Variants in LDLRAD3 observed in about 807,000 individuals in gnomAD.
LDLRAD3 encodes low-density lipoprotein receptor class A domain-containing protein 3.
In LDLRAD3, 20 loss-of-function variants were observed where a neutral mutation model predicts 29.4. The ratio of observed to expected loss-of-function variants is 0.68; its 90% confidence interval spans 0.48 to 0.99. The LOEUF (loss-of-function observed/expected upper bound fraction) is 0.99. Ranked by LOEUF, LDLRAD3 falls within the 50% of genes least tolerant of loss-of-function variation. LDLRAD3 has a pLI of 0.00. For missense variants in LDLRAD3, 420 were observed against 454.3 expected (o/e 0.92, Z 0.69); for synonymous variants, 157 against 192.7 (o/e 0.81, Z 1.53).
At chr11:36,214,955 C>T (rs887691002) in intron 4 of LDLRAD3, among the ~76,000 whole-genome samples, 1 of 152,192 alleles carries the variant, frequency 6.6e-6, no homozygotes, top group African/African-American at 2.4e-5. Context: ...GAGTTCTATT[C>T]CAGTAGGAAA....
intron 4 of LDLRAD3, among the ~76,000 whole-genome samples, chr11:36,164,734 A>T (rs1269083854): frequency 1.3e-5 from 2 of 152,182 alleles, no homozygotes; most frequent in African/African-American, 4.8e-5. Flanking sequence ...TTAACTTCTT[A>T]AGTGCAGTGT....
At chr11:35,979,610 C>T (rs1432189224) in intron 1 of LDLRAD3, among the ~76,000 whole-genome samples, 7 of 152,218 alleles carry the variant, frequency 4.6e-5, no homozygotes, top group Admixed American at 4.6e-4. Context: ...CTGTCTGTCT[C>T]AGAGCCTCTG....
chr11:36,112,698 G>A (rs1286783983), intron 4 of LDLRAD3, among the ~76,000 whole-genome samples: 6 of 152,190 alleles, frequency 3.9e-5, no homozygotes, highest in African/African-American at 1.4e-4. Context: ...CATTCCGTAG[G>A]ATAGGACACA....
At chr11:36,114,770 A>G (rs992579675) in intron 4 of LDLRAD3, among the ~76,000 whole-genome samples, 2 of 152,086 alleles carry the variant, frequency 1.3e-5, no homozygotes, top group African/African-American at 2.4e-5. Context: ...ACGTGACTCC[A>G]TGGTGCGTCT....
At chr11:36,129,024 A>G (rs780795868) in intron 4 of LDLRAD3, among the ~76,000 whole-genome samples, 57 of 152,036 alleles carry the variant, frequency 3.7e-4, no homozygotes, top group Non-Finnish European at 7.5e-4. Flanking sequence ...AAGTCAAGAG[A>G]TGTCAGGGAA....
At chr11:36,071,987 C>G (rs113829583) in intron 2 of LDLRAD3, among the ~76,000 whole-genome samples, 2,401 of 152,314 alleles carry the variant, frequency 0.016, 39 homozygotes, top group South Asian at 0.025. Flanking sequence ...TTACATCTGT[C>G]TTTGTATGTT....
intron 4 of LDLRAD3, among the ~76,000 whole-genome samples, chr11:36,203,246 G>A (rs1311194421): frequency 6.6e-6 from 1 of 152,134 alleles, no homozygotes; most frequent in African/African-American, 2.4e-5. Flanking sequence ...GAGATTACAG[G>A]TGTGAGCCCC....
intron 2 of LDLRAD3, among the ~76,000 whole-genome samples, chr11:36,068,813 G>T (rs973702714): frequency 6.6e-6 from 1 of 152,130 alleles, no homozygotes; most frequent in Non-Finnish European, 1.5e-5. Context: ...ACCGCGCCCA[G>T]CCCAGAAACC....
At chr11:36,066,970 C>T (rs550120573) in intron 2 of LDLRAD3, among the ~76,000 whole-genome samples, 107 of 152,292 alleles carry the variant, frequency 7.0e-4, no homozygotes, top group Middle Eastern at 3.4e-3. Flanking sequence ...CATCTCCTGC[C>T]GCATAGCCCA....
chr11:35,961,429 T>C (rs1360584052), intron 1 of LDLRAD3, among the ~76,000 whole-genome samples: 1 of 152,168 alleles, frequency 6.6e-6, no homozygotes, highest in South Asian at 2.1e-4. Flanking sequence ...TCTGCCTCAG[T>C]GTGTTCTTTA....
chr11:35,957,110 A>G (rs1409225282), intron 1 of LDLRAD3, among the ~76,000 whole-genome samples: 2 of 152,254 alleles, frequency 1.3e-5, no homozygotes, highest in Non-Finnish European at 2.9e-5. Flanking sequence ...TTTATTATAA[A>G]AACTTGGACA....
chr11:36,098,220 A>G, intron 3 of LDLRAD3, 107 bp from the exon 4 acceptor site: 2 of 1,354,626 alleles, frequency 1.5e-6, no homozygotes, highest in East Asian at 2.3e-5. Context: ...TTAGAAGATA[A>G]GCTTACTGCT....
At position 36,042,952 on chromosome 11, in the gene LDLRAD3, T is replaced by C. The variant is rs547539365; in HGVS notation, c.193+6703T>C. On this transcript the variant is annotated intron_variant, in intron 2 of 5. Transcript: ENST00000315571. ...GTGGTGGAAGCTGTCCAATTTGTGG[T>C]ACTTGGTTATGGCAGCCCTAGCAAA... Among the ~76,000 whole-genome samples, 6 of 152,278 alleles carry C rather than the reference T, an allele frequency of 3.9e-5. No individual in the cohort carries two copies. In the South Asian group the frequency reaches 1.2e-3, roughly 32 times the overall value.
chr11:35,978,126 C>CTGAT (rs1393329703), intron 1 of LDLRAD3, among the ~76,000 whole-genome samples: 1 of 152,176 alleles, frequency 6.6e-6, no homozygotes, highest in Non-Finnish European at 1.5e-5. Flanking sequence ...GATCTTCTTA[C>CTGAT]TGATTGACAA....
At chr11:36,122,271 A>G (rs1853770595) in intron 4 of LDLRAD3, among the ~76,000 whole-genome samples, 1 of 152,094 alleles carries the variant, frequency 6.6e-6, no homozygotes, top group African/African-American at 2.4e-5. Flanking sequence ...ATGGGCATGA[A>G]CAATTTGTAG....
chr11:35,984,920 G>A (rs1263153368), intron 1 of LDLRAD3, among the ~76,000 whole-genome samples: 1 of 149,960 alleles, frequency 6.7e-6, no homozygotes, highest in African/African-American at 2.5e-5. Context: ...GTGAGCCACC[G>A]CATCCTGCCT....
intron 1 of LDLRAD3, among the ~76,000 whole-genome samples, chr11:35,968,959 T>C (rs574915072): frequency 6.6e-6 from 1 of 152,306 alleles, no homozygotes; most frequent in Non-Finnish European, 1.5e-5. Context: ...CGTCTACAGA[T>C]CTGTTTACGA....
At position 35,991,742 on chromosome 11, in the gene LDLRAD3, A is replaced by G. The variant is rs7951849; in HGVS notation, c.47-44361A>G. Among the ~76,000 whole-genome samples the G allele has an allele frequency of 2.8e-3, 431 of 152,278 alleles. 2 individuals carry two copies. The highest frequency in any genetic ancestry group is 0.01 in the African/African-American group (419 of 41,544). Reference sequence around the variant, plus strand: ...CATGGCTGTTAATAGCTAAATTATTAATGCAGGTTTGCTGGTGGAGGGAGC... The same window carrying G: ...CATGGCTGTTAATAGCTAAATTATTGATGCAGGTTTGCTGGTGGAGGGAGC... On this transcript the variant is annotated intron_variant, in intron 1 of 5. Transcript: ENST00000315571.
chr11:36,111,034 G>A (rs1359408353), intron 4 of LDLRAD3, among the ~76,000 whole-genome samples: 1 of 152,196 alleles, frequency 6.6e-6, no homozygotes, highest in East Asian at 1.9e-4. Context: ...TGTATGTGTG[G>A]GGAGTGGGAG....
Sources: gnomAD v4.1 joint callset for allele counts (sites outside exome capture counted in the v4.1 genomes callset) on GRCh38, gnomAD v4.1.1 for gene constraint, MANE v1.5 for transcripts, NCBI Gene and HGNC (gene_info 2026-07-23, HGNC 2026-07-21) for gene names.